The following ADGRL3 variants were observed in gnomAD, a reference collection of about 807,000 sequenced individuals.
The protein encoded by ADGRL3 is calcium-independent alpha-latrotoxin receptor 3.
In ADGRL3, 62 loss-of-function variants were observed where a neutral mutation model predicts 153.5. The ratio of observed to expected loss-of-function variants is 0.40; its 90% CI spans 0.33 to 0.50. ADGRL3 has a LOEUF of 0.50. ADGRL3 is among the 20% of genes least tolerant of loss of function. The pLI is 0.47. For missense variants in ADGRL3, 1,641 were observed against 1,859.4 expected (o/e 0.88, Z 2.16); for synonymous variants, 710 against 672.5 (o/e 1.06, Z -0.86).
chr4:62,046,598 G>T (rs904639616), intron 25 of ADGRL3, among the ~76,000 whole-genome samples: 1 of 151,880 alleles, frequency 6.6e-6, no homozygotes, highest in African/African-American at 2.4e-5. Flanking sequence ...TAAAGGAAGG[G>T]TATACAATTT....
At chr4:61,312,361 T>TTTTATACACACAATCACAGTCTAGG in intron 1 of ADGRL3, among the ~76,000 whole-genome samples, 1 of 152,320 alleles carries the variant, frequency 6.6e-6, no homozygotes, top group Non-Finnish European at 1.5e-5. Context: ...GACCTTGAGT[T>TTTTATACACACAATCACAGTCTAGG]TGACAAAGAC....
intron 5 of ADGRL3, among the ~76,000 whole-genome samples, chr4:61,593,693 GT>G (rs1209724904): frequency 5.3e-5 from 8 of 151,948 alleles, no homozygotes; most frequent in African/African-American, 1.7e-4. Context: ...TTTTTGTTTT[GT>G]TTCGGTTTGG....
chr4:61,914,737 A>G (rs915338300), intron 13 of ADGRL3, among the ~76,000 whole-genome samples: 2 of 152,262 alleles, frequency 1.3e-5, no homozygotes, highest in Non-Finnish European at 2.9e-5. Context: ...TGAGAATTGA[A>G]TATTCTCTAA....
intron 1 of ADGRL3, among the ~76,000 whole-genome samples, chr4:61,280,073 A>C (rs2093654430): frequency 6.6e-6 from 1 of 151,332 alleles, no homozygotes; most frequent in African/African-American, 2.4e-5. Context: ...TTCTTTCTTA[A>C]ATTGGTTTAA....
At chr4:61,892,433 T>A (rs2098595539) in intron 9 of ADGRL3, among the ~76,000 whole-genome samples, 1 of 152,136 alleles carries the variant, frequency 6.6e-6, no homozygotes, top group East Asian at 1.9e-4. Context: ...AAAAAGCTTG[T>A]GTTTGGCAGT....
intron 5 of ADGRL3, among the ~76,000 whole-genome samples, chr4:61,662,778 A>G (rs922400840): frequency 2.0e-5 from 3 of 152,220 alleles, no homozygotes; most frequent in Admixed American, 6.5e-5. Flanking sequence ...CTGGCCATGC[A>G]TGGACCAATC....
intron 4 of ADGRL3, among the ~76,000 whole-genome samples, chr4:61,526,766 A>C (rs1446420211): frequency 6.6e-6 from 1 of 152,094 alleles, no homozygotes; most frequent in Non-Finnish European, 1.5e-5. Context: ...CCTACCTCAA[A>C]AAATAAATAA....
chr4:61,647,090 C>G (rs1396133101), intron 5 of ADGRL3, among the ~76,000 whole-genome samples: 5 of 152,156 alleles, frequency 3.3e-5, no homozygotes, highest in African/African-American at 1.2e-4. Context: ...AACTCCCTGA[C>G]CCCTTGTGCT....
At chr4:61,997,580 G>A (rs2099126136) in intron 20 of ADGRL3, among the ~76,000 whole-genome samples, 2 of 152,118 alleles carry the variant, frequency 1.3e-5, no homozygotes, top group Admixed American at 1.3e-4. Context: ...AAGTTTACAT[G>A]AGAGCTTTCT....
At chr4:61,261,576 G>C (rs1191341122) in intron 1 of ADGRL3, among the ~76,000 whole-genome samples, 1 of 152,088 alleles carries the variant, frequency 6.6e-6, no homozygotes, top group Non-Finnish European at 1.5e-5. Flanking sequence ...GTGTGTGGTG[G>C]TGGTAGGATA....
chr4:61,477,440 A>T (rs369453715), intron 2 of ADGRL3, among the ~76,000 whole-genome samples: 9 of 152,174 alleles, frequency 5.9e-5, no homozygotes, highest in African/African-American at 1.9e-4. Context: ...TTGATCGGTA[A>T]AGACATTAAC....
intron 1 of ADGRL3, among the ~76,000 whole-genome samples, chr4:61,318,269 A>T (rs911077584): frequency 2.0e-5 from 3 of 151,846 alleles, no homozygotes; most frequent in South Asian, 2.1e-4. Context: ...TAATATTATA[A>T]ATGAATGATT....
chr4:62,033,071 A>G (rs914097986), intron 23 of ADGRL3, among the ~76,000 whole-genome samples: 6 of 151,904 alleles, frequency 3.9e-5, no homozygotes, highest in African/African-American at 1.4e-4. Context: ...GCCTAAACAT[A>G]TGTTTATGTT....
chr4:61,346,759 G>A (rs945584431), intron 1 of ADGRL3, among the ~76,000 whole-genome samples: 1 of 147,134 alleles, frequency 6.8e-6, no homozygotes, highest in Admixed American at 6.8e-5. Flanking sequence ...CTCCAGCCTG[G>A]GCATCAAAGC....
chr4:61,726,757 G>A (rs1341652389), intron 6 of ADGRL3, among the ~76,000 whole-genome samples: 1 of 151,974 alleles, frequency 6.6e-6, no homozygotes, highest in Admixed American at 6.6e-5. Flanking sequence ...GAAAAAAATT[G>A]TTTATAAATT....
chr4:61,784,167 T>A (rs1220405985), intron 8 of ADGRL3, among the ~76,000 whole-genome samples: 1 of 152,158 alleles, frequency 6.6e-6, no homozygotes, highest in Admixed American at 6.6e-5. Context: ...ATATGACAAT[T>A]TGAATTGCTA....
Position 61,360,022 on chromosome 4 carries a change from A to G in ADGRL3, c.-239-23102A>G, listed in dbSNP as rs149269884. On this transcript the variant is annotated intron_variant, in intron 1 of 26. Coordinates refer to ENST00000683033, the MANE Select transcript of ADGRL3 (RefSeq NM_001387552.1). ...TCAGCTGATGTTTCATCTCAATTGC[A>G]TTTCTATGGAATAAAATGTCTTCTA... Among the ~76,000 whole-genome samples, 675 of 152,274 alleles carry G rather than the reference A, an allele frequency of 4.4e-3. 3 individuals carry two copies. The highest frequency in any genetic ancestry group is 0.033 in the South Asian group (161 of 4,832).
intron 1 of ADGRL3, among the ~76,000 whole-genome samples, chr4:61,242,000 A>C (rs557875618): frequency 6.6e-6 from 1 of 152,112 alleles, no homozygotes; most frequent in East Asian, 1.9e-4. Context: ...TATGGCTTCT[A>C]TCCATCCCTC....
intron 4 of ADGRL3, among the ~76,000 whole-genome samples, chr4:61,557,273 G>A (rs921380624): frequency 1.1e-4 from 16 of 152,030 alleles, no homozygotes; most frequent in South Asian, 2.1e-4. Context: ...ATTCTTCACA[G>A]AAATACACAT....
Sources: gnomAD v4.1 joint callset for allele counts (sites outside exome capture counted in the v4.1 genomes callset) on GRCh38, gnomAD v4.1.1 for gene constraint, MANE v1.5 for transcripts, NCBI Gene and HGNC (gene_info 2026-07-23, HGNC 2026-07-21) for gene names.